The following PI4K2A variants were observed in gnomAD, a reference collection of about 807,000 sequenced individuals.
PI4K2A encodes phosphatidylinositol 4-kinase type 2-alpha.
In PI4K2A, 20 loss-of-function variants were observed where a neutral mutation model predicts 55.0. The ratio of observed to expected loss-of-function variants is 0.36; its 90% CI spans 0.26 to 0.53. PI4K2A has a LOEUF of 0.53. PI4K2A is among the 20% of genes least tolerant of loss of function. The probability of loss-of-function intolerance (pLI) is 0.91; values close to 1 mark genes in which losing one functional copy is unlikely to be tolerated. For missense variants in PI4K2A, 463 were observed against 637.1 expected (o/e 0.73, Z 2.94); for synonymous variants, 235 against 258.5 (o/e 0.91, Z 0.87).
chr10:97,646,240 A>T (rs1331759783), intron 1 of PI4K2A, among the ~76,000 whole-genome samples: 3 of 143,220 alleles, frequency 2.1e-5, no homozygotes, highest in South Asian at 2.2e-4. Context: ...TTTTTTTGAG[A>T]TGGAGCCTCA....
At chr10:97,641,221 C>A (rs2041466823) in intron 1 of PI4K2A, 44 bp downstream of exon 1, 1 of 1,479,672 alleles carries the variant, frequency 6.8e-7, no homozygotes, top group Non-Finnish European at 9.2e-7. Context: ...TGAGGGCCGG[C>A]GGCGCTCCTG....
rs144698782 is a variant in PI4K2A, at chr10:97,643,238, C to T, written c.435+2061C>T. Among the ~76,000 whole-genome samples, 310 of 152,204 alleles carry T rather than the reference C, an allele frequency of 2.0e-3. 3 individuals are homozygous for T. The highest frequency in any genetic ancestry group is 7.3e-3 in the African/African-American group (301 of 41,498). On this transcript the variant is annotated intron_variant, in intron 1 of 8. Transcript: ENST00000370631. Reference sequence around the variant, plus strand: ...TGGCTTCAAGCAGTCATCCTCTTGCCTCAGCCTCCCAAAGTGCTGGGATTA... The same window carrying T: ...TGGCTTCAAGCAGTCATCCTCTTGCTTCAGCCTCCCAAAGTGCTGGGATTA...
chr10:97,648,070 T>G (rs1043185280), intron 1 of PI4K2A, among the ~76,000 whole-genome samples: 1 of 150,230 alleles, frequency 6.7e-6, no homozygotes, highest in Non-Finnish European at 1.5e-5. Context: ...GGACTACAGG[T>G]GCATACCACC....
At chr10:97,676,427 T>C (rs2041665029) in exon 9 of PI4K2A, 1 of 152,218 alleles carries the variant, frequency 6.6e-6, no homozygotes, top group African/African-American at 2.4e-5. Flanking sequence ...AAAATCTGAA[T>C]TCCAAAATAA....
chr10:97,652,521 G>C (rs1275596312), intron 2 of PI4K2A, among the ~76,000 whole-genome samples: 1 of 151,584 alleles, frequency 6.6e-6, no homozygotes, highest in Non-Finnish European at 1.5e-5. Context: ...GGCTGGTCTT[G>C]AACTCCTGGG....
chr10:97,674,295 C>T (rs2041650326), exon 9 of PI4K2A: 2 of 152,290 alleles, frequency 1.3e-5, no homozygotes, highest in Non-Finnish European at 2.9e-5. Context: ...GAAGCCACAC[C>T]TTTCTTTTGG....
exon 1 of PI4K2A, chr10:97,640,708 G>C: frequency 2.8e-6 from 4 of 1,420,606 alleles, no homozygotes; most frequent in South Asian, 2.9e-5. Flanking sequence ...CAGTGGTGTG[G>C]AGCGCGCCGG....
chr10:97,647,717 C>T (rs943684521), intron 1 of PI4K2A, among the ~76,000 whole-genome samples: 1 of 151,348 alleles, frequency 6.6e-6, no homozygotes, highest in South Asian at 2.1e-4. Flanking sequence ...TCTTCATACT[C>T]TAACATTCCC....
intron 8 of PI4K2A, among the ~76,000 whole-genome samples, chr10:97,671,192 C>T (rs966738213): frequency 6.6e-6 from 1 of 152,078 alleles, no homozygotes; most frequent in Non-Finnish European, 1.5e-5. Flanking sequence ...CTTTTGTACT[C>T]TCCTACCAGA....
intron 8 of PI4K2A, 89 bp from the exon 9 acceptor site, chr10:97,673,492 T>C: frequency 9.9e-7 from 1 of 1,007,442 alleles, no homozygotes; most frequent in East Asian, 2.6e-5. Flanking sequence ...AAAATTGATT[T>C]GTAGGCGTCC....
chr10:97,655,906 C>T (rs978575303), intron 2 of PI4K2A, among the ~76,000 whole-genome samples: 7 of 152,110 alleles, frequency 4.6e-5, no homozygotes, highest in Non-Finnish European at 7.4e-5. Context: ...ATCTCAGACT[C>T]ATGCCAGATA....
intron 1 of PI4K2A, among the ~76,000 whole-genome samples, chr10:97,648,521 C>T (rs2041516002): frequency 1.3e-5 from 2 of 152,326 alleles, no homozygotes; most frequent in African/African-American, 4.8e-5. Flanking sequence ...CTTTTTCTGT[C>T]TTTAAGTAGA....
chr10:97,662,772 A>G (rs2041591895), intron 4 of PI4K2A, 135 bp from the exon 5 acceptor site: 1 of 673,078 alleles, frequency 1.5e-6, no homozygotes, highest in Non-Finnish European at 2.7e-6. Context: ...AAAAAGATCT[A>G]AAAATATTTT....
chr10:97,654,769 A>G (rs906948829), intron 2 of PI4K2A, among the ~76,000 whole-genome samples: 5 of 151,860 alleles, frequency 3.3e-5, no homozygotes, highest in African/African-American at 7.3e-5. Context: ...AAGTGTGACA[A>G]TAGATGCATA....
chr10:97,664,521 G>C (rs1050817695), intron 5 of PI4K2A, among the ~76,000 whole-genome samples: 1 of 152,164 alleles, frequency 6.6e-6, no homozygotes, highest in Non-Finnish European at 1.5e-5. Flanking sequence ...TTGGCCAACT[G>C]ATATGGATTT....
intron 1 of PI4K2A, among the ~76,000 whole-genome samples, chr10:97,642,884 T>TTCCTTCCTTC (rs1564772363): frequency 1.5e-4 from 15 of 96,882 alleles, no homozygotes; most frequent in Admixed American, 2.9e-4. Context: ...TTTCTTTCTT[T>TTCCTTCCTTC]CTTCCTTCCT....
chr10:97,651,702 T>G (rs1327124857), intron 2 of PI4K2A, among the ~76,000 whole-genome samples: 1 of 152,180 alleles, frequency 6.6e-6, no homozygotes, highest in Non-Finnish European at 1.5e-5. Flanking sequence ...CTAGGCAAAC[T>G]CACACTCAGA....
At position 97,656,179 on chromosome 10, in the gene PI4K2A, G is replaced by A; in HGVS notation, c.637-106G>A. 1 of 909,700 alleles carries A rather than the reference G, an allele frequency of 1.1e-6. No homozygotes were observed. Among genetic ancestry groups the A allele is most frequent in the Non-Finnish European group, 1.7e-6 (1 of 582,622 alleles). The allele number at this position is 909,700 out of a possible 1,614,324, so 56.4% of individuals were successfully genotyped here. The stretch of plus-strand genomic sequence containing the variant: ...GAGAAATGTATTCTTTCTGTGCCCT[G>A]GAAGAGGAATAGGATTTGTGAACAT... On this transcript the variant is annotated intron_variant, in intron 2 of 8. Transcript: ENST00000370631. The surrounding 1 kb of genome is among the most constrained non-coding windows in gnomAD (Gnocchi z 4.5).
chr10:97,666,343 G>C (rs981212579), intron 6 of PI4K2A, 95 bp from the exon 7 acceptor site: 1 of 1,082,062 alleles, frequency 9.2e-7, no homozygotes, highest in African/African-American at 1.6e-5. Context: ...AGGGAAGAGG[G>C]GTTCTCCTTT....
Sources: allele counts gnomAD v4.1 joint callset (sites outside exome capture counted in the v4.1 genomes callset), GRCh38; gene constraint gnomAD v4.1.1; non-coding constraint Gnocchi (gnomAD v3.1); transcripts MANE v1.5; gene names NCBI Gene and HGNC (gene_info 2026-07-23, HGNC 2026-07-21).